The following TENM3 variants were observed in gnomAD, a reference collection of about 807,000 sequenced individuals.
TENM3 encodes the protein teneurin transmembrane protein 3, also known as teneurin-3.
A neutral mutation model predicts 255.1 loss-of-function variants in TENM3; 63 were observed. The ratio of observed to expected loss-of-function variants is 0.25; its 90% CI spans 0.20 to 0.30. The LOEUF is 0.30. TENM3 is among the 10% of genes least tolerant of loss of function. TENM3 has a pLI of 1.00. For missense variants in TENM3, 2,929 were observed against 3,461.1 expected, an observed-to-expected ratio of 0.85 and a Z score of 3.86; for synonymous variants, 1,306 against 1,322.3, an observed-to-expected ratio of 0.99 and a Z score of 0.27.
the TENM3 span, among the ~76,000 whole-genome samples, chr4:181,541,648 G>A: frequency 6.6e-6 from 1 of 152,084 alleles, no homozygotes; most frequent in African/African-American, 2.4e-5. Flanking sequence ...GCCAAGGATG[G>A]CCCTCCCACA....
rs542374550 is a variant in TENM3 at position 182,358,426 on chromosome 4, T to C, written c.511+11497T>C. 3.2e-4 allele frequency among the ~76,000 whole-genome samples: 49 copies of C among 151,952 alleles called. No homozygotes were observed. In the East Asian group the frequency reaches 8.1e-3, roughly 25 times the overall value. On this transcript the variant is annotated intron_variant, in intron 3 of 27. Transcript: ENST00000511685. Reference sequence around the variant, plus strand: ...TGGTTTGTAGTTCTCCTTGAAGAGGTCCTTCACATCCCTTGTAAGGTGGAT... The same window carrying C: ...TGGTTTGTAGTTCTCCTTGAAGAGGCCCTTCACATCCCTTGTAAGGTGGAT...
chr4:182,353,459 G>T (rs1765312717), intron 3 of TENM3, among the ~76,000 whole-genome samples: 1 of 152,042 alleles, frequency 6.6e-6, no homozygotes. Context: ...ATGTCGGTGG[G>T]CTTCCTAAAT....
At chr4:182,523,437 G>A (rs1738789597) in intron 3 of TENM3, among the ~76,000 whole-genome samples, 1 of 152,058 alleles carries the variant, frequency 6.6e-6, no homozygotes, top group Admixed American at 6.6e-5. Flanking sequence ...GAACATGTAA[G>A]GTTCCTTTGT....
At chr4:182,109,815 A>G in the TENM3 span, among the ~76,000 whole-genome samples, 2 of 152,220 alleles carry the variant, frequency 1.3e-5, no homozygotes, top group Non-Finnish European at 2.9e-5. Flanking sequence ...GCATGTGTGG[A>G]TGAGGCTTAG....
At chr4:181,967,029 TG>T in the TENM3 span, among the ~76,000 whole-genome samples, 1 of 151,968 alleles carries the variant, frequency 6.6e-6, no homozygotes, top group East Asian at 1.9e-4. Context: ...CTCTCTAGCA[TG>T]CATGTGCCAC....
In TENM3 at chr4:182,403,247, C is replaced by T. The variant is rs1295718376; in HGVS notation, c.511+56318C>T. 4.6e-5 allele frequency among the ~76,000 whole-genome samples: 7 copies of T among 152,218 alleles called. No individual in the cohort carries two copies. The East Asian group carries it at 7.7e-4, about 17-fold the overall frequency. ...CCAGTAAGACATTTTTACAAAGGCA[C>T]GATGACTATACTTTCATAGTTCAAA... On this transcript the variant is annotated intron_variant, in intron 3 of 27. Transcript: ENST00000511685.
chr4:181,852,294 C>T, the TENM3 span, among the ~76,000 whole-genome samples: 1 of 152,168 alleles, frequency 6.6e-6, no homozygotes, highest in African/African-American at 2.4e-5. Flanking sequence ...ATGTCAGAAA[C>T]CTTAACGTCT....
At chr4:182,373,770 A>G (rs1767000199) in intron 3 of TENM3, among the ~76,000 whole-genome samples, 1 of 152,164 alleles carries the variant, frequency 6.6e-6, no homozygotes, top group Non-Finnish European at 1.5e-5. Context: ...TGTTCCCTAG[A>G]GTCATTTTTG....
intron 5 of TENM3, among the ~76,000 whole-genome samples, chr4:182,636,999 G>A (rs1445927419): frequency 6.6e-6 from 1 of 152,142 alleles, no homozygotes; most frequent in Non-Finnish European, 1.5e-5. Context: ...TTACTGCTAC[G>A]TTGCATAAAT....
At chr4:182,580,629 T>C (rs763114054) in intron 3 of TENM3, among the ~76,000 whole-genome samples, 1 of 152,176 alleles carries the variant, frequency 6.6e-6, no homozygotes, top group Non-Finnish European at 1.5e-5. Flanking sequence ...TCAGAAAGTG[T>C]TTTCATTATG....
At chr4:182,191,692 C>T (rs1753530679) in intron 1 of TENM3, among the ~76,000 whole-genome samples, 2 of 152,144 alleles carry the variant, frequency 1.3e-5, no homozygotes, top group Admixed American at 1.3e-4. Flanking sequence ...GACTCCCAGC[C>T]TTCCATGCTC....
chr4:182,733,591 G>T (rs151305878), intron 16 of TENM3, among the ~76,000 whole-genome samples: 1 of 152,040 alleles, frequency 6.6e-6, no homozygotes, highest in African/African-American at 2.4e-5. Context: ...GGAGTCATTC[G>T]CATATAAATA....
upstream of TENM3, chr4:182,144,572 G>A (rs1303880044): frequency 1.3e-5 from 2 of 149,414 alleles, no homozygotes; most frequent in Non-Finnish European, 3.0e-5. Context: ...GAAGGAAGTT[G>A]TAACACTCGC....
At chr4:182,180,793 G>C (rs1484935121) in intron 1 of TENM3, among the ~76,000 whole-genome samples, 1 of 151,600 alleles carries the variant, frequency 6.6e-6, no homozygotes, top group Non-Finnish European at 1.5e-5. Context: ...CTTCTTGATA[G>C]TAGTCATTTT....
In TENM3 at chr4:182,324,184, C is replaced by T. The variant is rs753954357; in HGVS notation, c.164C>T (p.Ser55Leu). 10 of 1,613,988 alleles carry T rather than the reference C, an allele frequency of 6.2e-6. No homozygotes were observed. The highest frequency in any genetic ancestry group is 8.5e-6 in the Non-Finnish European group (10 of 1,179,886). Residue 55 changes from serine to leucine, a missense_variant, in exon 2 of 28, where the codon TCG becomes TTG. By Grantham distance (145) the Ser-to-Leu change is moderately radical. This residue lies in a region of TENM3 where 283 missense variants were observed against 256.9 expected (regional missense o/e 1.10). Coordinates refer to ENST00000511685, the MANE Select transcript of TENM3 (RefSeq NM_001080477.4). ...TTGAAAGCTTTTGATCATGATTCCT[C>T]GCGGCTGCTTTACGGCAACAGAGTG... ...ETLKAFDHDSSRLLYGNRVKD... is the reference protein window; with the variant it reads ...ETLKAFDHDSLRLLYGNRVKD...
chr4:181,594,545 T>C, the TENM3 span, among the ~76,000 whole-genome samples: 10 of 152,322 alleles, frequency 6.6e-5, no homozygotes, highest in East Asian at 1.9e-4. Context: ...TTCTGGGTTG[T>C]CTCTGTCTCC....
At chr4:182,433,364 A>G (rs1229669392) in intron 3 of TENM3, among the ~76,000 whole-genome samples, 1 of 152,206 alleles carries the variant, frequency 6.6e-6, no homozygotes, top group Admixed American at 6.5e-5. Context: ...GGGACATCCT[A>G]CAGAAGACAT....
intron 1 of TENM3, among the ~76,000 whole-genome samples, chr4:182,230,843 T>TGGGGG (rs1756522030): frequency 1.6e-5 from 2 of 123,434 alleles, no homozygotes; most frequent in Non-Finnish European, 3.6e-5. Flanking sequence ...TATATATATA[T>TGGGGG]ATATATATAT....
the TENM3 span, among the ~76,000 whole-genome samples, chr4:181,699,987 G>C: frequency 3.3e-5 from 5 of 152,076 alleles, no homozygotes; most frequent in African/African-American, 4.8e-5. Context: ...AGTCGTCCTG[G>C]CAAATTCTCT....
Sources: gnomAD v4.1 joint callset for allele counts (sites outside exome capture counted in the v4.1 genomes callset) on GRCh38, gnomAD v4.1.1 for gene constraint, gnomAD v4.1.1 regional missense constraint, MANE v1.5 for transcripts, NCBI Gene and HGNC (gene_info 2026-07-23, HGNC 2026-07-21) for gene names.